HCN1: variants seen among roughly 807,000 people sequenced by gnomAD.
HCN1 encodes hyperpolarization activated cyclic nucleotide gated potassium channel 1, also known as potassium/sodium hyperpolarization-activated cyclic nucleotide-gated channel 1.
In HCN1, 13 loss-of-function variants were observed where a neutral mutation model predicts 78.9. That is an observed-to-expected ratio of 0.16 (90% confidence interval 0.11 to 0.26). The LOEUF is 0.26. Ranked by LOEUF, HCN1 falls within the 10% of genes least tolerant of loss-of-function variation. HCN1 has a pLI of 1.00. For missense variants in HCN1, 810 were observed against 1,154.3 expected, an observed-to-expected ratio of 0.70 and a Z score of 4.32; for synonymous variants, 552 against 455.5, an observed-to-expected ratio of 1.21 and a Z score of -2.70.
chr5:45,336,783 CTGGT>C (rs1471267017), intron 5 of HCN1, among the ~76,000 whole-genome samples: 1 of 152,000 alleles, frequency 6.6e-6, no homozygotes, highest in East Asian at 1.9e-4. Flanking sequence ...GGGCCACTTC[CTGGT>C]TCATAGACAG....
At chr5:45,364,205 G>A (rs1305591621) in intron 4 of HCN1, among the ~76,000 whole-genome samples, 1 of 152,032 alleles carries the variant, frequency 6.6e-6, no homozygotes, top group African/African-American at 2.4e-5. Context: ...TATGCCCAAG[G>A]CCGCCTTTTC....
chr5:45,372,250 AATATATATTTAT>A (rs1159974672), intron 4 of HCN1, among the ~76,000 whole-genome samples: 21 of 73,718 alleles, frequency 2.8e-4, no homozygotes, highest in Non-Finnish European at 2.2e-4. Context: ...TTTTATATAT[AATATATATTTAT>A]ATATATATTT....
chr5:45,677,314 G>T (rs1014951570), intron 1 of HCN1, among the ~76,000 whole-genome samples: 25 of 151,894 alleles, frequency 1.6e-4, no homozygotes, highest in African/African-American at 5.8e-4. Context: ...AGCAGTGGCT[G>T]GCACATACTA....
At chr5:45,350,545 A>C (rs890295836) in intron 5 of HCN1, among the ~76,000 whole-genome samples, 1 of 151,550 alleles carries the variant, frequency 6.6e-6, no homozygotes, top group African/African-American at 2.4e-5. Context: ...CAGGAGAAGG[A>C]AATAAAGGGT....
At chr5:45,440,900 C>T (rs143151833) in intron 3 of HCN1, among the ~76,000 whole-genome samples, 51 of 152,266 alleles carry the variant, frequency 3.3e-4, no homozygotes, top group Admixed American at 1.2e-3. Context: ...GTTTACAAGA[C>T]CCATTGGGAT....
chr5:45,340,067 C>T (rs867625775), intron 5 of HCN1, among the ~76,000 whole-genome samples: 57 of 152,004 alleles, frequency 3.7e-4, no homozygotes, highest in African/African-American at 1.2e-3. Context: ...TACAGGTGCC[C>T]ACCACCACTC....
chr5:45,395,845 G>A (rs1739676677), intron 4 of HCN1, among the ~76,000 whole-genome samples: 1 of 151,148 alleles, frequency 6.6e-6, no homozygotes. Flanking sequence ...AATTCTTCAT[G>A]TGGGAAAAAA....
At chr5:45,371,665 G>C (rs1747363347) in intron 4 of HCN1, among the ~76,000 whole-genome samples, 1 of 150,032 alleles carries the variant, frequency 6.7e-6, no homozygotes, top group Non-Finnish European at 1.5e-5. Context: ...GCTGAGGCAG[G>C]AGAATCACTT....
chr5:45,549,311 G>A (rs1353424263), intron 2 of HCN1, among the ~76,000 whole-genome samples: 1 of 151,978 alleles, frequency 6.6e-6, no homozygotes, highest in African/African-American at 2.4e-5. Flanking sequence ...ATAGACCAAT[G>A]GAACATAACA....
intron 1 of HCN1, among the ~76,000 whole-genome samples, chr5:45,691,647 GATACAGA>G (rs1351181069): frequency 3.3e-5 from 5 of 152,206 alleles, no homozygotes; most frequent in African/African-American, 1.2e-4. Context: ...ATTGCTGGCA[GATACAGA>G]GTGTGTTCAG....
chr5:45,453,009 A>G (rs1001929784), intron 3 of HCN1, among the ~76,000 whole-genome samples: 2 of 152,078 alleles, frequency 1.3e-5, no homozygotes, highest in African/African-American at 4.8e-5. Context: ...AGACTGGGGT[A>G]TAAAGCAGGA....
At chr5:45,304,946 T>A (rs900677769) in intron 5 of HCN1, among the ~76,000 whole-genome samples, 5 of 152,190 alleles carry the variant, frequency 3.3e-5, no homozygotes, top group Non-Finnish European at 5.9e-5. Flanking sequence ...CCAAACATTT[T>A]TAATCATGCA....
At chr5:45,274,591 T>G (rs1745018698) in intron 6 of HCN1, among the ~76,000 whole-genome samples, 1 of 152,172 alleles carries the variant, frequency 6.6e-6, no homozygotes, top group Admixed American at 6.6e-5. Context: ...CCCCATTTCC[T>G]TGTATTCTAA....
chr5:45,623,189 T>C (rs1745102338), intron 2 of HCN1, among the ~76,000 whole-genome samples: 1 of 152,178 alleles, frequency 6.6e-6, no homozygotes, highest in Admixed American at 6.5e-5. Context: ...TAATATCATG[T>C]CTTATGTTAA....
intron 3 of HCN1, among the ~76,000 whole-genome samples, chr5:45,410,425 A>T (rs1431268630): frequency 2.0e-5 from 3 of 152,068 alleles, no homozygotes; most frequent in Non-Finnish European, 4.4e-5. Context: ...CTCTTATGAG[A>T]TCTGTAGCTA....
At chr5:45,623,495 A>G (rs1745107630) in intron 2 of HCN1, among the ~76,000 whole-genome samples, 1 of 152,200 alleles carries the variant, frequency 6.6e-6, no homozygotes, top group Admixed American at 6.5e-5. Flanking sequence ...CTCAAGTACT[A>G]CAATAATAGT....
chr5:45,468,547 T>C (rs1212912051), intron 2 of HCN1, among the ~76,000 whole-genome samples: 1 of 152,094 alleles, frequency 6.6e-6, no homozygotes, highest in Non-Finnish European at 1.5e-5. Flanking sequence ...TTTCATTTTA[T>C]TTGCTGCTAT....
chr5:45,564,164 T>G (rs1312440895), intron 2 of HCN1, among the ~76,000 whole-genome samples: 4 of 152,142 alleles, frequency 2.6e-5, no homozygotes, highest in Non-Finnish European at 4.4e-5. Flanking sequence ...CAAAGGAAAT[T>G]TAAATGATTA....
At chr5:45,520,857 GTGT>G (rs796724909) in intron 2 of HCN1, among the ~76,000 whole-genome samples, 2 of 151,922 alleles carry the variant, frequency 1.3e-5, no homozygotes, top group Non-Finnish European at 2.9e-5. Context: ...TATAATATAA[GTGT>G]TATCACATGT....
Sources: allele counts gnomAD v4.1 joint callset (sites outside exome capture counted in the v4.1 genomes callset), GRCh38; gene constraint gnomAD v4.1.1; transcripts MANE v1.5; gene names NCBI Gene and HGNC (gene_info 2026-07-23, HGNC 2026-07-21).